Variants in CREB1 observed in about 807,000 individuals in gnomAD.
The protein encoded by CREB1 is cAMP responsive element binding protein 1.
A neutral mutation model predicts 42.0 loss-of-function variants in CREB1; 2 were observed. That is an observed-to-expected ratio of 0.05 (90% CI 0.02 to 0.15). CREB1 has a LOEUF of 0.15. Ranked by LOEUF, CREB1 falls within the 10% of genes least tolerant of loss-of-function variation. The pLI is 1.00. For missense variants in CREB1, 199 were observed against 388.9 expected (o/e 0.51, Z 4.11); for synonymous variants, 123 against 139.9 (o/e 0.88, Z 0.85).
chr2:207,602,984 G>A lies in CREB1; in HGVS notation c.*5926G>A, dbSNP rs551766681. 345 of 214,486 alleles carry A rather than the reference G, an allele frequency of 1.6e-3. 3 individuals carry two copies. The highest frequency in any genetic ancestry group is 7.3e-3 in the African/African-American group (323 of 44,458). The allele number at this position is 214,486 out of a possible 1,614,324, so 13.3% of individuals were successfully genotyped here. On this transcript the variant is annotated 3_prime_UTR_variant, in exon 8 of 8. Coordinates refer to ENST00000353267, the MANE Select transcript of CREB1 (RefSeq NM_004379.5). ...CAGGGAAGTTCCTAGAAAGGTGTTT[G>A]GCTTTTTGGTTTTTGAGGGTTGGGG...
rs576352210 is a variant in CREB1 at position 207,600,395 on chromosome 2, G to A, written c.*3337G>A. The A allele has an allele frequency of 1.7e-4, 33 of 192,860 alleles. No individual in the cohort carries two copies. In the South Asian group the frequency reaches 5.6e-3, roughly 33 times the overall value. The allele number at this position is 192,860 out of a possible 1,614,324, so 11.9% of individuals were successfully genotyped here. On this transcript the variant is annotated 3_prime_UTR_variant, in exon 8 of 8. Transcript: ENST00000353267. ...ATTCCTTCTGGTAGTTTCTATGACT[G>A]CATTACTCCAGCACTCATGATTGAT...
intron 1 of CREB1, among the ~76,000 whole-genome samples, chr2:207,537,736 A>G (rs535303323): frequency 1.3e-5 from 2 of 152,236 alleles, no homozygotes; most frequent in South Asian, 2.1e-4. Flanking sequence ...TCCCCTTAAT[A>G]TATACACACT....
At position 207,596,869 on chromosome 2, in the gene CREB1, G is replaced by T. The variant is rs766165342; in HGVS notation, c.840-45G>T. Reference sequence around the variant, plus strand: ...AAAAAAGGTAATCCAAAATAAATATGTGGAAATCATTTGCATAATTTTTCC... The same window carrying T: ...AAAAAAGGTAATCCAAAATAAATATTTGGAAATCATTTGCATAATTTTTCC... On this transcript the variant is annotated intron_variant, in intron 7 of 7. Transcript: ENST00000353267. The T allele has an allele frequency of 4.4e-6, 7 of 1,576,464 alleles. No homozygotes were observed. In the South Asian group the frequency reaches 8.3e-5, roughly 19 times the overall value.
At chr2:207,569,547 C>T (rs1381370261) in intron 4 of CREB1, among the ~76,000 whole-genome samples, 4 of 151,492 alleles carry the variant, frequency 2.6e-5, no homozygotes, top group Non-Finnish European at 5.9e-5. Flanking sequence ...TTTTACTTTC[C>T]GACTTTGTGT....
At chr2:207,550,017 C>T (rs2081442926) in intron 1 of CREB1, among the ~76,000 whole-genome samples, 2 of 151,074 alleles carry the variant, frequency 1.3e-5, no homozygotes, top group South Asian at 4.2e-4. Flanking sequence ...GGCTTTCAAA[C>T]AGTTACCCTA....
At chr2:207,558,587 T>C (rs2081826623) in intron 2 of CREB1, among the ~76,000 whole-genome samples, 1 of 151,676 alleles carries the variant, frequency 6.6e-6, no homozygotes, top group Non-Finnish European at 1.5e-5. Flanking sequence ...TTCGTTGGTC[T>C]CCCCACCACC....
At chr2:207,543,698 G>C (rs1344923752) in intron 1 of CREB1, among the ~76,000 whole-genome samples, 1 of 152,070 alleles carries the variant, frequency 6.6e-6, no homozygotes, top group Admixed American at 6.6e-5. Flanking sequence ...TGCCTCCTGG[G>C]TTCAAGTGAT....
rs2087841749 is a variant in CREB1 at position 207,604,959 on chromosome 2, A to C, written c.*7901A>C. 6.6e-6 allele frequency among the ~76,000 whole-genome samples: 1 copy of C among 152,222 alleles called. No individual in the cohort carries two copies. Among genetic ancestry groups the C allele is most frequent in the Non-Finnish European group, 1.5e-5 (1 of 68,040 alleles). ...ATAGTAAGTATGCCATTGTAGATAT[A>C]TACCACAAGTTTATCGATTCATCCA... On this transcript the variant is annotated 3_prime_UTR_variant, in exon 8 of 8. Transcript: ENST00000353267.
At chr2:207,542,822 A>G (rs2081148607) in intron 1 of CREB1, among the ~76,000 whole-genome samples, 1 of 152,220 alleles carries the variant, frequency 6.6e-6, no homozygotes, top group African/African-American at 2.4e-5. Context: ...AACTGAAGCT[A>G]CTAATGTGTA....
intron 1 of CREB1, among the ~76,000 whole-genome samples, chr2:207,545,232 C>G (rs925608299): frequency 1.3e-5 from 2 of 152,030 alleles, no homozygotes; most frequent in African/African-American, 4.8e-5. Flanking sequence ...TTGTTCGAGA[C>G]AGTCTCACTC....
At chr2:207,596,323 T>C (rs1559082914) in intron 7 of CREB1, among the ~76,000 whole-genome samples, 2 of 152,226 alleles carry the variant, frequency 1.3e-5, no homozygotes, top group Admixed American at 6.5e-5. Context: ...TTCTTAGTTA[T>C]TGATATGGAT....
intron 7 of CREB1, among the ~76,000 whole-genome samples, chr2:207,589,351 C>T (rs1018039728): frequency 2.0e-5 from 3 of 152,132 alleles, no homozygotes; most frequent in Non-Finnish European, 4.4e-5. Flanking sequence ...ATCTCTGTTC[C>T]CCTTCTGCAG....
chr2:207,603,629 A>T lies in CREB1; in HGVS notation c.*6571A>T, dbSNP rs575162767. Among the ~76,000 whole-genome samples the T allele has an allele frequency of 1.3e-5, 2 of 152,214 alleles. No individual in the cohort carries two copies. Among genetic ancestry groups the T allele is most frequent in the Non-Finnish European group, 2.9e-5 (2 of 68,026 alleles). ...TTCAGGACAAAACCTGTTTTTCAATAAGATTGAACAGTGCCTATTTGTGGA... is the reference window on the plus strand; with the variant it reads ...TTCAGGACAAAACCTGTTTTTCAATTAGATTGAACAGTGCCTATTTGTGGA... On this transcript the variant is annotated 3_prime_UTR_variant, in exon 8 of 8. Transcript: ENST00000353267.
intron 1 of CREB1, among the ~76,000 whole-genome samples, chr2:207,551,760 C>T (rs1410074183): frequency 6.6e-6 from 1 of 151,842 alleles, no homozygotes; most frequent in African/African-American, 2.4e-5. Flanking sequence ...AGACATTTTT[C>T]GGCTGGGCAC....
At chr2:207,571,026 T>TTTTTC (rs2106546688) in intron 5 of CREB1, among the ~76,000 whole-genome samples, 1 of 146,050 alleles carries the variant, frequency 6.8e-6, no homozygotes, top group South Asian at 2.2e-4. Flanking sequence ...TTTTCCCTTT[T>TTTTTC]TTTTTTTTGC....
chr2:207,586,454 T>C (rs2083857851), intron 7 of CREB1, among the ~76,000 whole-genome samples: 1 of 152,144 alleles, frequency 6.6e-6, no homozygotes, highest in African/African-American at 2.4e-5. Context: ...CCCCAAACTC[T>C]TAGACTACTA....
intron 7 of CREB1, among the ~76,000 whole-genome samples, chr2:207,589,150 T>C (rs2084487341): frequency 1.3e-5 from 2 of 152,208 alleles, no homozygotes; most frequent in Middle Eastern, 3.2e-3. Context: ...AACACAAATG[T>C]ATTGTTTTCC....
intron 5 of CREB1, among the ~76,000 whole-genome samples, chr2:207,572,925 T>C (rs2082428786): frequency 6.6e-6 from 1 of 152,232 alleles, no homozygotes; most frequent in Non-Finnish European, 1.5e-5. Flanking sequence ...TTTTATTAAA[T>C]TCATGCTGTT....
At chr2:207,588,591 T>A (rs190480575) in intron 7 of CREB1, among the ~76,000 whole-genome samples, 1 of 152,298 alleles carries the variant, frequency 6.6e-6, no homozygotes, top group African/African-American at 2.4e-5. Context: ...TTGTGTTGTG[T>A]CTATAGATCA....
Sources: gnomAD v4.1 joint callset for allele counts (sites outside exome capture counted in the v4.1 genomes callset) on GRCh38, gnomAD v4.1.1 for gene constraint, MANE v1.5 for transcripts, NCBI Gene and HGNC (gene_info 2026-07-23, HGNC 2026-07-21) for gene names.